CCDC91: variants seen among roughly 807,000 people sequenced by gnomAD.
CCDC91 encodes coiled-coil domain-containing protein 91.
A neutral mutation model predicts 63.2 loss-of-function variants in CCDC91; 48 were observed. That is an observed-to-expected ratio of 0.76 (90% CI 0.60 to 0.97). CCDC91 has a LOEUF of 0.97. Ranked by LOEUF, CCDC91 falls within the 50% of genes least tolerant of loss-of-function variation. The probability of loss-of-function intolerance (pLI) is 0.00; values close to 1 mark genes in which losing one functional copy is unlikely to be tolerated. For synonymous variants in CCDC91, 167 were observed against 165.8 expected (o/e 1.01, Z -0.06); for missense variants, 500 against 494.6 (o/e 1.01, Z -0.10).
In CCDC91 at chr12:28,273,742, C is replaced by T. The variant is rs1315670171; in HGVS notation, c.109+14300C>T. Among the ~76,000 whole-genome samples the T allele has an allele frequency of 2.3e-4, 35 of 152,040 alleles. No individual in the cohort carries two copies. The East Asian group carries it at 5.4e-3, about 24-fold the overall frequency. ...TTCATTGTAGATTCTGGATATTAGC[C>T]CTTTGTCAGACGAGTAGATTGCAAA... On this transcript the variant is annotated intron_variant, in intron 3 of 12. Coordinates refer to ENST00000536442, the MANE Select transcript of CCDC91 (RefSeq NM_018318.5).
At chr12:28,421,801 A>G (rs1948031128) in intron 8 of CCDC91, among the ~76,000 whole-genome samples, 1 of 152,052 alleles carries the variant, frequency 6.6e-6, no homozygotes, top group African/African-American at 2.4e-5. Context: ...AGCCTGTTCC[A>G]TAAAATCAGC....
intron 1 of CCDC91, among the ~76,000 whole-genome samples, chr12:28,195,604 A>G (rs1394687250): frequency 6.6e-6 from 1 of 152,188 alleles, no homozygotes; most frequent in African/African-American, 2.4e-5. Context: ...TGTATCTTGA[A>G]GTCAAAAAGC....
chr12:28,260,358 G>A (rs926372618), intron 3 of CCDC91, among the ~76,000 whole-genome samples: 12 of 151,840 alleles, frequency 7.9e-5, no homozygotes, highest in African/African-American at 1.9e-4. Flanking sequence ...GGCAGATATG[G>A]GAGAATGAGG....
chr12:28,302,538 A>G (rs1350499713), intron 3 of CCDC91: 2 of 605,698 alleles, frequency 3.3e-6, no homozygotes, highest in Non-Finnish European at 4.1e-6. Context: ...TAATGTTTAA[A>G]TTTGAATCCA....
chr12:28,371,348 A>C (rs1944610777), intron 7 of CCDC91, among the ~76,000 whole-genome samples: 1 of 152,132 alleles, frequency 6.6e-6, no homozygotes, highest in African/African-American at 2.4e-5. Flanking sequence ...TCTAGGTTAC[A>C]TGCTCCTTAT....
intron 8 of CCDC91, among the ~76,000 whole-genome samples, chr12:28,449,278 G>A (rs748420870): frequency 4.6e-5 from 7 of 151,944 alleles, no homozygotes; most frequent in Non-Finnish European, 7.4e-5. Context: ...TTAAAATATT[G>A]GATATCCAAT....
chr12:28,407,967 T>A (rs925149899), intron 8 of CCDC91, among the ~76,000 whole-genome samples: 5 of 149,426 alleles, frequency 3.3e-5, no homozygotes, highest in Non-Finnish European at 5.9e-5. Context: ...TATATATATT[T>A]TTTTTATTTT....
At chr12:28,435,342 T>C (rs190080817) in intron 8 of CCDC91, among the ~76,000 whole-genome samples, 15 of 151,874 alleles carry the variant, frequency 9.9e-5, no homozygotes, top group African/African-American at 3.6e-4. Context: ...TTTACATTTC[T>C]CTTGAGACAT....
At chr12:28,473,091 T>G (rs1160051967) in intron 11 of CCDC91, among the ~76,000 whole-genome samples, 2 of 152,176 alleles carry the variant, frequency 1.3e-5, no homozygotes, top group Non-Finnish European at 2.9e-5. Context: ...AATTTTTAAT[T>G]TAATTTATTA....
intron 12 of CCDC91, among the ~76,000 whole-genome samples, chr12:28,484,689 A>G (rs1951627495): frequency 6.6e-6 from 1 of 152,002 alleles, no homozygotes; most frequent in South Asian, 2.1e-4. Context: ...TTTTCATACA[A>G]TGTGGTTTTA....
At chr12:28,468,064 A>G (rs1211760281) in intron 11 of CCDC91, among the ~76,000 whole-genome samples, 1 of 151,956 alleles carries the variant, frequency 6.6e-6, no homozygotes, top group East Asian at 1.9e-4. Context: ...AAAATTAGTG[A>G]AAGAAAAGAA....
At chr12:28,477,356 C>G (rs576587409) in intron 11 of CCDC91, among the ~76,000 whole-genome samples, 9 of 152,210 alleles carry the variant, frequency 5.9e-5, no homozygotes, top group African/African-American at 2.2e-4. Context: ...ATAAACAGAT[C>G]CAAAGACAAA....
chr12:28,303,983 T>G (rs1024854134), intron 3 of CCDC91, among the ~76,000 whole-genome samples: 2 of 152,076 alleles, frequency 1.3e-5, no homozygotes, highest in African/African-American at 2.4e-5. Context: ...ACTATTCTAC[T>G]TGTATAGAAT....
intron 1 of CCDC91, among the ~76,000 whole-genome samples, chr12:28,221,400 T>A (rs1943938159): frequency 6.6e-6 from 1 of 152,204 alleles, no homozygotes; most frequent in African/African-American, 2.4e-5. Flanking sequence ...TTTCTCCTGG[T>A]TATGCGTTAT....
intron 3 of CCDC91, among the ~76,000 whole-genome samples, chr12:28,274,073 C>G (rs1253808940): frequency 6.6e-6 from 1 of 152,164 alleles, no homozygotes; most frequent in Non-Finnish European, 1.5e-5. Flanking sequence ...AGCTGGTTTT[C>G]CCGGCACCAT....
chr12:28,253,590 T>A (rs1311816891), intron 1 of CCDC91, among the ~76,000 whole-genome samples: 2 of 152,352 alleles, frequency 1.3e-5, no homozygotes, highest in Middle Eastern at 3.4e-3. Context: ...TATGTATTCA[T>A]AAGTGTGATT....
Position 28,362,995 on chromosome 12 carries a change from A to ATGC in CCDC91, c.654+480_654+481insTGC, listed in dbSNP as rs1944004142. Among the ~76,000 whole-genome samples, 4 of 152,294 alleles carry ATGC rather than the reference A, an allele frequency of 2.6e-5. No homozygotes were observed. The South Asian group carries it at 8.3e-4, about 32-fold the overall frequency. ...CATTAATATTTAAAATTATTTTAAA[A>ATGC]ATTATTCAATTCTGTGCCTGCATAA... is the stretch of plus-strand genomic sequence containing the variant. On this transcript the variant is annotated intron_variant, in intron 7 of 12. Coordinates refer to ENST00000536442, the MANE Select transcript of CCDC91 (RefSeq NM_018318.5).
intron 8 of CCDC91, among the ~76,000 whole-genome samples, chr12:28,397,022 A>G (rs930179321): frequency 6.6e-6 from 1 of 152,168 alleles, no homozygotes; most frequent in African/African-American, 2.4e-5. Context: ...GGATGAGATC[A>G]GAGAATATAT....
chr12:28,387,185 A>G (rs1209642117), intron 7 of CCDC91, among the ~76,000 whole-genome samples: 2 of 152,230 alleles, frequency 1.3e-5, no homozygotes, highest in African/African-American at 2.4e-5. Flanking sequence ...ACAGTGCTTA[A>G]TCTAATAGTA....
Sources: gnomAD v4.1 joint callset for allele counts (sites outside exome capture counted in the v4.1 genomes callset) on GRCh38, gnomAD v4.1.1 for gene constraint, MANE v1.5 for transcripts, NCBI Gene and HGNC (gene_info 2026-07-23, HGNC 2026-07-21) for gene names.